The following OAT variants were observed in gnomAD, a reference collection of about 807,000 sequenced individuals.
OAT encodes the protein ornithine aminotransferase.
In OAT, 35 loss-of-function variants were observed where a neutral mutation model predicts 48.4. The observed-to-expected ratio is 0.72, with a 90% CI of 0.55 to 0.96. The LOEUF (loss-of-function observed/expected upper bound fraction) is 0.96. Ranked by LOEUF, OAT falls within the 40% of genes least tolerant of loss-of-function variation. The probability of loss-of-function intolerance (pLI) is 0.00; values close to 1 mark genes in which losing one functional copy is unlikely to be tolerated. For missense variants in OAT, 438 were observed against 537.9 expected (o/e 0.81, Z 1.84); for synonymous variants, 182 against 198.4 (o/e 0.92, Z 0.70).
chr10:124,406,216 C>A lies in OAT; in HGVS notation c.521-653G>T, dbSNP rs1011468655. On this transcript the variant is annotated intron_variant, in intron 4 of 9. Transcript: ENST00000368845. ...TTTAGATGTTGGGGAATAGACCAGG[C>A]ACAGTGGCTCACTTATGTAATCCCT... is the stretch of plus-strand genomic sequence containing the variant. 5.6e-6 allele frequency: 4 copies of A among 710,214 alleles called. No homozygotes were observed. In the Admixed American group the frequency reaches 1.9e-4, roughly 33 times the overall value. 44.0% of individuals were successfully genotyped at this position (710,214 alleles called of 1,614,324 possible).
At chr10:124,407,617 G>T (rs1017706798) in intron 4 of OAT, 1 of 170,782 alleles carries the variant, frequency 5.9e-6, no homozygotes, top group Non-Finnish European at 1.2e-5. Context: ...ATGTTATGGG[G>T]TTTATCATTT....
intron 6 of OAT, chr10:124,403,351 C>T (rs1447337880): frequency 2.0e-6 from 1 of 502,356 alleles, no homozygotes; most frequent in Non-Finnish European, 3.6e-6. Context: ...TTTTCTGGAC[C>T]TAACTACCCT....
rs537876069 is a variant in OAT, at chr10:124,406,691, C to A, written c.521-1128G>T. On this transcript the variant is annotated intron_variant, in intron 4 of 9. Coordinates refer to ENST00000368845, the MANE Select transcript of OAT (RefSeq NM_000274.4). ...ATTAGCTGGGCGTGGTGGTGGGCGCCTGTAATCCCAGCTACACAGGAGGCT... is the reference window on the plus strand; with the variant it reads ...ATTAGCTGGGCGTGGTGGTGGGCGCATGTAATCCCAGCTACACAGGAGGCT... Among the ~76,000 whole-genome samples the A allele has an allele frequency of 1.8e-3, 276 of 150,432 alleles. 1 individual carries two copies. The highest frequency in any genetic ancestry group is 6.5e-3 in the African/African-American group (268 of 41,036).
At chr10:124,405,944 G>A (rs1298303657) in intron 4 of OAT, 1 of 1,136,670 alleles carries the variant, frequency 8.8e-7, no homozygotes, top group Non-Finnish European at 1.1e-6. Context: ...AGTGATATGA[G>A]AAAGAATATC....
At chr10:124,403,592 G>GA (rs1416809941) in intron 6 of OAT, among the ~76,000 whole-genome samples, 2 of 152,184 alleles carry the variant, frequency 1.3e-5, no homozygotes, top group African/African-American at 4.8e-5. Flanking sequence ...CCAGAGACAG[G>GA]AAAAAGTCTG....
intron 4 of OAT, 112 bp downstream of exon 4, chr10:124,408,430 C>G: frequency 1.1e-6 from 1 of 881,668 alleles, no homozygotes; most frequent in Non-Finnish European, 1.8e-6. Flanking sequence ...AAAGACTCCT[C>G]CTGCCTTGGC....
Position 124,401,758 on chromosome 10 carries a change from G to C in OAT, c.982C>G (p.Leu328Val), listed in dbSNP as rs778902757. The C allele has an allele frequency of 5.0e-6, 8 of 1,613,160 alleles. No individual in the cohort carries two copies. The highest frequency in any genetic ancestry group is 1.7e-4 in the Middle Eastern group (1 of 6,056). The change falls in exon 8 of 10, where the codon CTA becomes GTA. Residue 328 changes from leucine to valine, a missense_variant. Transcript: ENST00000368845. ...GCTGCGATGGCCACTCGGCAGCCTAGTGGATTGCCACCGTATGTGGACCCA... is the reference window on the plus strand; with the variant it reads ...GCTGCGATGGCCACTCGGCAGCCTACTGGATTGCCACCGTATGTGGACCCA... Reference protein sequence around the residue: ...EHGSTYGGNPLGCRVAIAALE... With the variant: ...EHGSTYGGNPVGCRVAIAALE...
intron 4 of OAT, chr10:124,405,896 C>G: frequency 8.5e-7 from 1 of 1,181,002 alleles, no homozygotes; most frequent in Non-Finnish European, 1.1e-6. Context: ...CAATTGAGGT[C>G]TTGAATGCAT....
Position 124,398,305 on chromosome 10 carries a change from T to C in OAT, c.1160-203A>G, listed in dbSNP as rs532286630. On this transcript the variant is annotated intron_variant, in intron 9 of 9. Transcript: ENST00000368845. The stretch of plus-strand genomic sequence containing the variant: ...GTGGGTGGATCACGAGGTCAAGAGA[T>C]TGAAACCATCCTGGCCAACATTATG... Among the ~76,000 whole-genome samples, 4 of 151,902 alleles carry C rather than the reference T, an allele frequency of 2.6e-5. No individual in the cohort carries two copies. In the East Asian group the frequency reaches 7.8e-4, roughly 30 times the overall value.
chr10:124,408,324 T>C (rs1218809884), intron 4 of OAT, among the ~76,000 whole-genome samples: 1 of 63,708 alleles, frequency 1.6e-5, no homozygotes, highest in East Asian at 6.2e-4. Flanking sequence ...TGTGTATATA[T>C]ATATATATAT....
At chr10:124,417,283 CTTTT>C (rs59171918) in intron 1 of OAT, among the ~76,000 whole-genome samples, 5 of 87,012 alleles carry the variant, frequency 5.7e-5, no homozygotes, top group East Asian at 3.0e-4. Context: ...AAACTATAAG[CTTTT>C]TTTTTTTTTT....
chr10:124,399,335 A>AT lies in OAT; in HGVS notation c.1160-1234dup, dbSNP rs1427092729. ...ATTTTTTTAAGAAGCTCCCCAGGTG[A>AT]TTCTTTTTTTTTTTTTTTTTTTTTT... is the stretch of plus-strand genomic sequence containing the variant. On this transcript the variant is annotated intron_variant, in intron 9 of 9. Coordinates refer to ENST00000368845, the MANE Select transcript of OAT (RefSeq NM_000274.4). Among the ~76,000 whole-genome samples the AT allele has an allele frequency of 7.6e-3, 762 of 100,208 alleles. 20 individuals carry two copies. Among genetic ancestry groups the AT allele is most frequent in the African/African-American group, 0.016 (445 of 27,734 alleles). The allele number at this position is 100,208 out of a possible 152,430, so 65.7% of individuals were successfully genotyped here.
intron 2 of OAT, among the ~76,000 whole-genome samples, chr10:124,411,751 G>T (rs895134702): frequency 6.6e-6 from 1 of 151,580 alleles, no homozygotes; most frequent in Non-Finnish European, 1.5e-5. Context: ...GGGAGGCAGA[G>T]GTTGCAGTGA....
At chr10:124,399,550 T>C (rs545502364) in intron 9 of OAT, among the ~76,000 whole-genome samples, 1 of 152,002 alleles carries the variant, frequency 6.6e-6, no homozygotes, top group Non-Finnish European at 1.5e-5. Flanking sequence ...TTTCACTGTG[T>C]TAGCCAGGAT....
intron 3 of OAT, 30 bp downstream of exon 3, chr10:124,408,711 G>A (rs1951671957): frequency 6.3e-7 from 1 of 1,575,448 alleles, no homozygotes; most frequent in African/African-American, 1.4e-5. Context: ...TATTTTTGAG[G>A]GTATTTAACA....
chr10:124,403,061 G>A lies in OAT; in HGVS notation c.772-6C>T. 1.2e-6 allele frequency: 2 copies of A among 1,613,238 alleles called. No individual in the cohort carries two copies. The highest frequency in any genetic ancestry group is 1.7e-6 in the Non-Finnish European group (2 of 1,179,828). On this transcript the variant is annotated splice_region_variant and splice_polypyrimidine_tract_variant and intron_variant, in intron 6 of 9. Transcript: ENST00000368845. ...TCATCAGCAATAAAGAGAACCTATT[G>A]GGGAAAAAAAATACCCCTATTAGTG...
intron 4 of OAT, among the ~76,000 whole-genome samples, 184 bp downstream of exon 4, chr10:124,408,358 T>C (rs1395214600): frequency 1.4e-4 from 18 of 127,062 alleles, no homozygotes; most frequent in African/African-American, 4.9e-4. Context: ...TTTTTTTTTT[T>C]TTTAAATAGA....
At chr10:124,413,281 C>CACACAA (rs1263293818) in intron 1 of OAT, among the ~76,000 whole-genome samples, 101 of 137,354 alleles carry the variant, frequency 7.4e-4, no homozygotes, top group African/African-American at 2.9e-3. Context: ...CACACACACA[C>CACACAA]ACACACACAC....
In OAT at chr10:124,403,790, GTGACAACC is replaced by G. The variant is rs1564731646; in HGVS notation, c.771_771+7del. 1 of 1,614,064 alleles carries G rather than the reference GTGACAACC, an allele frequency of 6.2e-7. No homozygotes were observed. Among genetic ancestry groups the G allele is most frequent in the Non-Finnish European group, 8.5e-7 (1 of 1,179,964 alleles). On this transcript the variant is annotated splice_donor_variant and splice_donor_5th_base_variant and coding_sequence_variant and intron_variant, in exon 6 of 10. Coordinates refer to ENST00000368845, the MANE Select transcript of OAT (RefSeq NM_000274.4). LOFTEE classifies it high-confidence loss of function. ...TTCAGCCTTATCACAAACAGCTAAC[GTGACAACC>G]TGGTGCCTGGTGCAGAGCTCTCGCA...
Sources: allele counts gnomAD v4.1 joint callset (sites outside exome capture counted in the v4.1 genomes callset), GRCh38; gene constraint gnomAD v4.1.1; transcripts MANE v1.5; gene names NCBI Gene and HGNC (gene_info 2026-07-23, HGNC 2026-07-21).